The following AKAP7 variants were observed in gnomAD, a reference collection of about 807,000 sequenced individuals.
The protein encoded by AKAP7 is A-kinase anchoring protein 7.
In AKAP7, 39 loss-of-function variants were observed where a neutral mutation model predicts 39.5. That is an observed-to-expected ratio of 0.99 (90% CI 0.76 to 1.29). The LOEUF (loss-of-function observed/expected upper bound fraction) is 1.29. AKAP7 is among the 50% of genes most tolerant of loss of function. The pLI is 0.00. For synonymous variants in AKAP7, 140 were observed against 139.1 expected, an observed-to-expected ratio of 1.01 and a Z score of -0.05; for missense variants, 414 against 407.7, an observed-to-expected ratio of 1.02 and a Z score of -0.13.
At chr6:131,241,627 G>GTGTGTGTGTGTGTGTGTATATA in intron 7 of AKAP7, among the ~76,000 whole-genome samples, 1 of 86,636 alleles carries the variant, frequency 1.2e-5, no homozygotes, top group African/African-American at 5.0e-5. Flanking sequence ...GTGTGTGTGT[G>GTGTGTGTGTGTGTGTGTATATA]TATATATATA....
intron 5 of AKAP7, among the ~76,000 whole-genome samples, chr6:131,176,165 C>T (rs1804555620): frequency 6.6e-6 from 1 of 152,076 alleles, no homozygotes; most frequent in African/African-American, 2.4e-5. Context: ...AGACCAAGCC[C>T]TTCTTTGCAT....
chr6:131,164,498 T>C (rs1584986492), intron 3 of AKAP7: 6 of 453,524 alleles, frequency 1.3e-5, no homozygotes, highest in African/African-American at 2.0e-5. Context: ...TTTGGACTTC[T>C]TTGCAACTCT....
chr6:131,281,653 C>G lies in AKAP7; in HGVS notation c.974C>G (p.Pro325Arg). ...YLEETQNKNK[P>R]GEGSSVKTEA... is the part of the protein sequence containing the mutation. ...GAGGAAACACAGAATAAAAACAAGC[C>G]GGGGGAGGGGAGCTCTGTGAAAACC... Residue 325 changes from proline (P) to arginine (R), a missense_variant, in exon 8 of 8, where the codon CCG (proline) becomes CGG (arginine). Transcript: ENST00000431975. This position sits in a 1 kb window ranked among gnomAD's most constrained non-coding sequence, Gnocchi z 4.0. 6.2e-7 allele frequency: 1 copy of G among 1,613,338 alleles called. No homozygotes were observed. Among genetic ancestry groups the G allele is most frequent in the East Asian group, 2.2e-5 (1 of 44,778 alleles).
At chr6:131,175,536 A>T (rs940207968) in intron 5 of AKAP7, among the ~76,000 whole-genome samples, 17 of 152,236 alleles carry the variant, frequency 1.1e-4, no homozygotes, top group African/African-American at 4.1e-4. Flanking sequence ...AGAATTTTTA[A>T]TGTGTAAAAT....
At position 131,199,455 on chromosome 6, in the gene AKAP7, C is replaced by T. The variant is rs1358681914; in HGVS notation, c.590-6C>T. ...GCATTTCTTTGTTTCTCTTTATTTT[C>T]TTCAGAGACTGCAAATAGGACATTT... On this transcript the variant is annotated splice_polypyrimidine_tract_variant and splice_region_variant and intron_variant, in intron 5 of 7. Transcript: ENST00000431975. 1.3e-6 allele frequency: 2 copies of T among 1,551,656 alleles called. No homozygotes were observed. Among genetic ancestry groups the T allele is most frequent in the African/African-American group, 2.7e-5 (2 of 73,144 alleles).
intron 5 of AKAP7, among the ~76,000 whole-genome samples, chr6:131,197,176 T>C (rs931578306): frequency 1.3e-5 from 2 of 152,176 alleles, no homozygotes. Flanking sequence ...TTCTAATTAA[T>C]TTTATTATCT....
At chr6:131,250,418 G>T (rs184638067) in intron 7 of AKAP7, 2 of 1,454,580 alleles carry the variant, frequency 1.4e-6, no homozygotes, top group East Asian at 4.8e-5. Context: ...TCTCTCCCCC[G>T]GCGGCGTGTG....
chr6:131,141,505 G>A (rs527304445), intron 1 of AKAP7, among the ~76,000 whole-genome samples: 1 of 152,282 alleles, frequency 6.6e-6, no homozygotes, highest in African/African-American at 2.4e-5. Context: ...CAATGCAAAT[G>A]GACTGAGATA....
intron 6 of AKAP7, among the ~76,000 whole-genome samples, chr6:131,203,328 C>T (rs1432658321): frequency 6.6e-6 from 1 of 152,084 alleles, no homozygotes; most frequent in Non-Finnish European, 1.5e-5. Flanking sequence ...CTGAATCCAT[C>T]CATTGAGCTA....
intron 6 of AKAP7, among the ~76,000 whole-genome samples, chr6:131,211,442 A>G (rs923221584): frequency 6.6e-6 from 1 of 152,102 alleles, no homozygotes. Context: ...ATGTTTATAG[A>G]TACAGGCTGA....
chr6:131,173,569 A>ATGTTT (rs1804291488), intron 5 of AKAP7, among the ~76,000 whole-genome samples: 1 of 152,210 alleles, frequency 6.6e-6, no homozygotes, highest in African/African-American at 2.4e-5. Flanking sequence ...AAGCATGCAA[A>ATGTTT]CAAATAAGCA....
chr6:131,258,936 A>T (rs1441472079), intron 7 of AKAP7, among the ~76,000 whole-genome samples: 1 of 152,152 alleles, frequency 6.6e-6, no homozygotes, highest in African/African-American at 2.4e-5. Context: ...AGGATCTCAT[A>T]TTCCCAAGGG....
At chr6:131,193,164 A>G (rs948560349) in intron 5 of AKAP7, among the ~76,000 whole-genome samples, 3 of 152,144 alleles carry the variant, frequency 2.0e-5, no homozygotes, top group African/African-American at 7.2e-5. Context: ...CCAGATGTTA[A>G]GAGGAAAGGC....
chr6:131,188,396 TA>T (rs1325528591), intron 5 of AKAP7, among the ~76,000 whole-genome samples: 1 of 152,246 alleles, frequency 6.6e-6, no homozygotes, highest in Non-Finnish European at 1.5e-5. Flanking sequence ...AAAGTGATTT[TA>T]AAATTTTATT....
At chr6:131,209,320 G>A (rs1406262318) in intron 6 of AKAP7, among the ~76,000 whole-genome samples, 2 of 151,858 alleles carry the variant, frequency 1.3e-5, no homozygotes, top group African/African-American at 4.8e-5. Flanking sequence ...GTGCGATCTC[G>A]GCTCATTACA....
At chr6:131,140,306 A>G (rs994334742) in intron 1 of AKAP7, among the ~76,000 whole-genome samples, 5 of 152,082 alleles carry the variant, frequency 3.3e-5, no homozygotes, top group Non-Finnish European at 7.4e-5. Context: ...TCTAATGTGC[A>G]GTTACTATTA....
At chr6:131,126,416 A>T in the AKAP7 span, among the ~76,000 whole-genome samples, 1 of 152,214 alleles carries the variant, frequency 6.6e-6, no homozygotes, top group Non-Finnish European at 1.5e-5. Context: ...GCTAGAAGTA[A>T]ATGTCCACAG....
At chr6:131,231,264 A>G (rs1359332738) in intron 7 of AKAP7, among the ~76,000 whole-genome samples, 1 of 152,164 alleles carries the variant, frequency 6.6e-6, no homozygotes, top group African/African-American at 2.4e-5. Flanking sequence ...GAGCATATCT[A>G]TGTGAAATGA....
At chr6:131,189,472 G>A (rs775631626) in intron 5 of AKAP7, among the ~76,000 whole-genome samples, 3 of 141,860 alleles carry the variant, frequency 2.1e-5, no homozygotes, top group Non-Finnish European at 4.6e-5. Context: ...TTGGAAAGAA[G>A]GGGTAAATAT....
Sources: allele counts gnomAD v4.1 joint callset (sites outside exome capture counted in the v4.1 genomes callset), GRCh38; gene constraint gnomAD v4.1.1; non-coding constraint Gnocchi (gnomAD v3.1); transcripts MANE v1.5; gene names NCBI Gene and HGNC (gene_info 2026-07-23, HGNC 2026-07-21).